Variants in AKR1D1 observed in about 807,000 individuals in gnomAD.
The protein encoded by AKR1D1 is aldo-keto reductase family 1 member D1.
AKR1D1 carries 32 observed loss-of-function variants against 42.6 expected under a neutral mutation model. The observed-to-expected ratio is 0.75, with a 90% CI of 0.57 to 1.01. The LOEUF is 1.01. Among genes scored for constraint, AKR1D1 ranks in the 50% least tolerant of loss-of-function variants. The pLI is 0.00. For synonymous variants in AKR1D1, 123 were observed against 135.5 expected (o/e 0.91, Z 0.64); for missense variants, 364 against 402.2 (o/e 0.91, Z 0.81).
At chr7:138,098,117 C>T in intron 4 of AKR1D1, 174 bp downstream of exon 4, 1 of 571,676 alleles carries the variant, frequency 1.7e-6, no homozygotes, top group East Asian at 2.9e-5. Context: ...CTTCTGGGTA[C>T]TAAATAATTC....
In AKR1D1 at chr7:138,097,862, T is replaced by C. The variant is rs199951099; in HGVS notation, c.379-4T>C. Reference sequence around the variant, plus strand: ...TACATTTATTCTTTTTTTTTTTTTTTCAGCCAGGAGATGAAATATACCCTA... The same window carrying C: ...TACATTTATTCTTTTTTTTTTTTTTCCAGCCAGGAGATGAAATATACCCTA... On this transcript the variant is annotated splice_polypyrimidine_tract_variant and splice_region_variant and intron_variant, in intron 3 of 8. Transcript: ENST00000242375. 95 of 1,503,198 alleles carry C rather than the reference T, an allele frequency of 6.3e-5. No homozygotes were observed. In the East Asian group the frequency reaches 1.5e-3, roughly 24 times the overall value. 93.1% of individuals were successfully genotyped at this position (1,503,198 alleles called of 1,614,324 possible). A position where few individuals can be genotyped will look rare whatever the true frequency, so the allele number is the denominator to read the frequency against.
chr7:138,113,134 T>G (rs953677790), intron 7 of AKR1D1, among the ~76,000 whole-genome samples: 6 of 152,100 alleles, frequency 3.9e-5, no homozygotes, highest in African/African-American at 1.2e-4. Flanking sequence ...CTGGGCAGCA[T>G]GGTGAAACCC....
At chr7:138,084,854 G>A (rs948253566) in intron 1 of AKR1D1, among the ~76,000 whole-genome samples, 1 of 151,828 alleles carries the variant, frequency 6.6e-6, no homozygotes, top group Admixed American at 6.6e-5. Flanking sequence ...TCAAGAGATC[G>A]AGACCATCCT....
At chr7:138,112,352 T>C (rs1370210075) in intron 7 of AKR1D1, among the ~76,000 whole-genome samples, 1 of 152,142 alleles carries the variant, frequency 6.6e-6, no homozygotes, top group African/African-American at 2.4e-5. Flanking sequence ...TAAAAGAAAA[T>C]GGTTCCCTGA....
intron 1 of AKR1D1, among the ~76,000 whole-genome samples, chr7:138,084,262 TTTTTTTTTTTC>T (rs1312568201): frequency 6.6e-6 from 1 of 150,558 alleles, no homozygotes; most frequent in African/African-American, 2.4e-5. Context: ...CTAGCTTTTT[TTTTTTTTTTTC>T]TTTTTTTGAG....
chr7:138,113,666 G>A (rs773462187), intron 7 of AKR1D1, 24 bp from the exon 8 acceptor site: 1 of 1,606,784 alleles, frequency 6.2e-7, no homozygotes, highest in Non-Finnish European at 8.5e-7. Context: ...CTTCAAAAAT[G>A]TTCTATTATT....
In AKR1D1 at chr7:138,100,861, C is replaced by A. The variant is rs573676102; in HGVS notation, c.456+2918C>A. Reference sequence around the variant, plus strand: ...CTGGGACTATAGGTGCCCGCCACCACGCCTGGCTAATTTTTTGTACTTTTA... The same window carrying A: ...CTGGGACTATAGGTGCCCGCCACCAAGCCTGGCTAATTTTTTGTACTTTTA... On this transcript the variant is annotated intron_variant, in intron 4 of 8. Transcript: ENST00000242375. Among the ~76,000 whole-genome samples, 7 of 151,538 alleles carry A rather than the reference C, an allele frequency of 4.6e-5. No individual in the cohort carries two copies. In the East Asian group the frequency reaches 1.4e-3, roughly 30 times the overall value.
chr7:138,088,287 A>G (rs1370036127), intron 1 of AKR1D1, among the ~76,000 whole-genome samples: 2 of 152,192 alleles, frequency 1.3e-5, no homozygotes, highest in South Asian at 2.1e-4. Flanking sequence ...GCCTTCTTCA[A>G]TCAGCTTGTG....
intron 4 of AKR1D1, among the ~76,000 whole-genome samples, chr7:138,104,284 T>TTA (rs1476389077): frequency 6.6e-6 from 1 of 152,156 alleles, no homozygotes; most frequent in African/African-American, 2.4e-5. Context: ...AGACCTAATT[T>TTA]TATATATAAC....
At chr7:138,092,293 T>C (rs1412897565) in intron 3 of AKR1D1, among the ~76,000 whole-genome samples, 1 of 152,222 alleles carries the variant, frequency 6.6e-6, no homozygotes, top group Non-Finnish European at 1.5e-5. Flanking sequence ...TAGCCCACCA[T>C]TGAGACACAC....
At chr7:138,093,442 AT>A (rs576453032) in intron 3 of AKR1D1, among the ~76,000 whole-genome samples, 2 of 152,034 alleles carry the variant, frequency 1.3e-5, no homozygotes, top group Admixed American at 6.6e-5. Context: ...TGTCTATTAA[AT>A]TTTTTTTTAA....
intron 5 of AKR1D1, among the ~76,000 whole-genome samples, chr7:138,106,313 T>C (rs1235646490): frequency 1.3e-5 from 2 of 152,192 alleles, no homozygotes; most frequent in African/African-American, 2.4e-5. Context: ...TACTACAACA[T>C]TGTTCATAAT....
chr7:138,098,755 T>A (rs1295987135), intron 4 of AKR1D1, among the ~76,000 whole-genome samples: 2 of 152,024 alleles, frequency 1.3e-5, no homozygotes, highest in African/African-American at 4.8e-5. Context: ...TGGGGAGGGA[T>A]ATTTTGAACT....
At chr7:138,093,573 A>G (rs1421629128) in intron 3 of AKR1D1, among the ~76,000 whole-genome samples, 1 of 152,122 alleles carries the variant, frequency 6.6e-6, no homozygotes, top group Non-Finnish European at 1.5e-5. Flanking sequence ...GTTCTTCCGG[A>G]GCAATAACAC....
At chr7:138,102,577 A>G (rs939956384) in intron 4 of AKR1D1, among the ~76,000 whole-genome samples, 2 of 152,218 alleles carry the variant, frequency 1.3e-5, no homozygotes, top group Non-Finnish European at 2.9e-5. Flanking sequence ...ATAAAAAGCA[A>G]TAAGTTTGGA....
At chr7:138,101,758 C>T (rs1794323301) in intron 4 of AKR1D1, among the ~76,000 whole-genome samples, 1 of 152,070 alleles carries the variant, frequency 6.6e-6, no homozygotes, top group Non-Finnish European at 1.5e-5. Context: ...GTAAAAACAA[C>T]TTATTACTGA....
chr7:138,109,106 C>T (rs1794488660), intron 7 of AKR1D1, among the ~76,000 whole-genome samples: 1 of 152,074 alleles, frequency 6.6e-6, no homozygotes. Flanking sequence ...ATAAAACAAG[C>T]TATGACATAT....
intron 4 of AKR1D1, among the ~76,000 whole-genome samples, chr7:138,101,225 A>G (rs1794310767): frequency 9.2e-6 from 1 of 108,364 alleles, no homozygotes; most frequent in South Asian, 3.4e-4. Flanking sequence ...TCCTTCCACG[A>G]GTCTCGCTCT....
At chr7:138,079,784 G>T (rs1803014425) in intron 1 of AKR1D1, among the ~76,000 whole-genome samples, 1 of 152,142 alleles carries the variant, frequency 6.6e-6, no homozygotes, top group Non-Finnish European at 1.5e-5. Context: ...AGCTCATAAT[G>T]GGCAGCTCTG....
Sources: gnomAD v4.1 joint callset for allele counts (sites outside exome capture counted in the v4.1 genomes callset) on GRCh38, gnomAD v4.1.1 for gene constraint, MANE v1.5 for transcripts, NCBI Gene and HGNC (gene_info 2026-07-23, HGNC 2026-07-21) for gene names.